Variants in OSBPL8 observed in about 807,000 individuals in gnomAD.
OSBPL8 encodes oxysterol binding protein like 8.
In OSBPL8, 59 loss-of-function variants were observed where a neutral mutation model predicts 125.5. The ratio of observed to expected loss-of-function variants is 0.47; its 90% CI spans 0.38 to 0.58. The LOEUF is 0.58. Ranked by LOEUF, OSBPL8 falls within the 20% of genes least tolerant of loss-of-function variation. OSBPL8 has a pLI of 0.00. For missense variants in OSBPL8, 758 were observed against 1,047.8 expected (o/e 0.72, Z 3.82); for synonymous variants, 330 against 338.9 (o/e 0.97, Z 0.29).
chr12:76,379,593 A>G (rs886889002), intron 15 of OSBPL8, among the ~76,000 whole-genome samples: 1 of 152,228 alleles, frequency 6.6e-6, no homozygotes, highest in Non-Finnish European at 1.5e-5. Context: ...TACCTATTCT[A>G]GAATTCTGTA....
chr12:76,538,998 GAAAGGAATAAA>G (rs1950568522), intron 1 of OSBPL8, among the ~76,000 whole-genome samples: 1 of 127,394 alleles, frequency 7.8e-6, no homozygotes, highest in Non-Finnish European at 1.6e-5. Flanking sequence ...GTTCAAAATT[GAAAGGAATAAA>G]AAAGGAATGA....
chr12:76,390,174 C>T (rs766513285), intron 11 of OSBPL8: 1 of 450,570 alleles, frequency 2.2e-6, no homozygotes, highest in South Asian at 5.1e-5. Flanking sequence ...AAGCAATATC[C>T]TACTTCAAAA....
At chr12:76,552,470 AGGGAGCAC>A (rs1950974152) in intron 1 of OSBPL8, among the ~76,000 whole-genome samples, 1 of 146,066 alleles carries the variant, frequency 6.8e-6, no homozygotes, top group East Asian at 2.0e-4. Flanking sequence ...TGCAAGCAAG[AGGGAGCAC>A]AAATTTTTGT....
chr12:76,430,447 T>C (rs1039022052), intron 4 of OSBPL8, among the ~76,000 whole-genome samples: 4 of 152,202 alleles, frequency 2.6e-5, no homozygotes, highest in Non-Finnish European at 5.9e-5. Context: ...AGGAGGTATT[T>C]GCTCCTTCAA....
chr12:76,398,973 G>A (rs1592604710), intron 7 of OSBPL8, among the ~76,000 whole-genome samples: 1 of 152,188 alleles, frequency 6.6e-6, no homozygotes, highest in Non-Finnish European at 1.5e-5. Flanking sequence ...GCCAGGCCAG[G>A]CAACGTGTTG....
chr12:76,453,530 T>C (rs1873668087), intron 3 of OSBPL8, among the ~76,000 whole-genome samples: 2 of 152,208 alleles, frequency 1.3e-5, no homozygotes, highest in South Asian at 2.1e-4. Context: ...GTCATCAATA[T>C]TGGAAAAGTA....
chr12:76,361,678 G>A (rs1333265661), intron 21 of OSBPL8, among the ~76,000 whole-genome samples: 1 of 152,186 alleles, frequency 6.6e-6, no homozygotes, highest in African/African-American at 2.4e-5. Flanking sequence ...GAGGGTGAAA[G>A]GCCCCCTTTC....
intron 22 of OSBPL8, among the ~76,000 whole-genome samples, chr12:76,358,163 T>TAGAGTGTG (rs1448370173): frequency 1.1e-4 from 17 of 148,470 alleles, no homozygotes; most frequent in African/African-American, 3.9e-4. Context: ...TAGCTACTAC[T>TAGAGTGTG]AGAGTGTGGT....
At chr12:76,514,277 TG>T (rs1472863124) in intron 1 of OSBPL8, among the ~76,000 whole-genome samples, 3 of 150,498 alleles carry the variant, frequency 2.0e-5, no homozygotes, top group African/African-American at 7.5e-5. Flanking sequence ...CCCAAGTAGC[TG>T]GGGCTACAGC....
chr12:76,442,431 C>A (rs1355236621), intron 4 of OSBPL8, among the ~76,000 whole-genome samples: 1 of 152,092 alleles, frequency 6.6e-6, no homozygotes, highest in Non-Finnish European at 1.5e-5. Flanking sequence ...AGACAAGGAA[C>A]TTCAAAACAG....
intron 5 of OSBPL8, among the ~76,000 whole-genome samples, chr12:76,409,650 T>C (rs1954428554): frequency 6.6e-6 from 1 of 152,168 alleles, no homozygotes; most frequent in Non-Finnish European, 1.5e-5. Context: ...ACAAAGTACT[T>C]TTAAACTTCT....
intron 1 of OSBPL8, among the ~76,000 whole-genome samples, chr12:76,500,435 CT>C (rs1313023641): frequency 6.6e-6 from 1 of 152,204 alleles, no homozygotes; most frequent in African/African-American, 2.4e-5. Context: ...TTGATTTCCC[CT>C]AACTAGAAGT....
At chr12:76,462,013 G>T (rs943998478) in intron 2 of OSBPL8, among the ~76,000 whole-genome samples, 9 of 152,316 alleles carry the variant, frequency 5.9e-5, no homozygotes, top group African/African-American at 2.2e-4. Context: ...CATCTTCTAA[G>T]ATCTTCCTGA....
chr12:76,427,137 T>C (rs540573067), intron 4 of OSBPL8, among the ~76,000 whole-genome samples: 26 of 152,230 alleles, frequency 1.7e-4, no homozygotes, highest in African/African-American at 6.0e-4. Context: ...TTCTTTACGT[T>C]AAAGGTTTTA....
At chr12:76,505,238 GACAGACATGAGGCTTT>G (rs1880298071) in intron 1 of OSBPL8, among the ~76,000 whole-genome samples, 1 of 152,142 alleles carries the variant, frequency 6.6e-6, no homozygotes. Context: ...AATAAGCTTT[GACAGACATGAGGCTTT>G]ACAGTGATCA....
At chr12:76,443,849 G>A (rs370904523) in intron 4 of OSBPL8, among the ~76,000 whole-genome samples, 2 of 151,964 alleles carry the variant, frequency 1.3e-5, no homozygotes, top group South Asian at 4.2e-4. Context: ...AAATATGTTC[G>A]GCTCAAATAA....
chr12:76,464,234 C>T (rs1232426200), intron 2 of OSBPL8, among the ~76,000 whole-genome samples: 3 of 152,102 alleles, frequency 2.0e-5, no homozygotes, highest in Non-Finnish European at 2.9e-5. Context: ...CATGATCGCA[C>T]CTGTGAACAG....
chr12:76,388,028 T>C (rs1037170103), intron 12 of OSBPL8, among the ~76,000 whole-genome samples: 7 of 152,156 alleles, frequency 4.6e-5, no homozygotes, highest in Non-Finnish European at 7.4e-5. Flanking sequence ...TAAAAAAGGG[T>C]TGCAAACTAT....
chr12:76,386,558 A>C, intron 13 of OSBPL8, 21 bp downstream of exon 13: 2 of 1,546,670 alleles, frequency 1.3e-6, no homozygotes, highest in South Asian at 2.4e-5. Flanking sequence ...AAGACAATAA[A>C]ATGTAAACAA....
Sources: gnomAD v4.1 joint callset for allele counts (sites outside exome capture counted in the v4.1 genomes callset) on GRCh38, gnomAD v4.1.1 for gene constraint, MANE v1.5 for transcripts, NCBI Gene and HGNC (gene_info 2026-07-23, HGNC 2026-07-21) for gene names.